Variants in B4GALNT3 observed in about 807,000 individuals in gnomAD.
B4GALNT3 encodes beta-1,4-N-acetyl-galactosaminyltransferase 3.
In B4GALNT3, 86 loss-of-function variants were observed where a neutral mutation model predicts 120.2. The observed-to-expected ratio is 0.72, with a 90% CI of 0.60 to 0.86. The LOEUF is 0.86. B4GALNT3 is among the 40% of genes least tolerant of loss of function. B4GALNT3 has a pLI of 0.00. For synonymous variants in B4GALNT3, 518 were observed against 510.4 expected (o/e 1.01, Z -0.20); for missense variants, 1,167 against 1,298.9 (o/e 0.90, Z 1.56).
At chr12:496,414 A>G (rs765964734) in intron 1 of B4GALNT3, among the ~76,000 whole-genome samples, 43 of 152,170 alleles carry the variant, frequency 2.8e-4, no homozygotes, top group Non-Finnish European at 5.9e-4. Context: ...AGCCTGGCCA[A>G]CATGGTGAAA....
chr12:508,206 G>A (rs1946516242), intron 1 of B4GALNT3, among the ~76,000 whole-genome samples: 1 of 152,246 alleles, frequency 6.6e-6, no homozygotes, highest in Admixed American at 6.5e-5. Context: ...TTAATGAAGA[G>A]AAAGCTTCCA....
At chr12:481,864 T>C (rs1946246291) in intron 1 of B4GALNT3, among the ~76,000 whole-genome samples, 1 of 152,066 alleles carries the variant, frequency 6.6e-6, no homozygotes, top group African/African-American at 2.4e-5. Flanking sequence ...TTCCTCCCTC[T>C]TGCATCAAGA....
At chr12:541,926 T>C (rs1946922993) in intron 3 of B4GALNT3, among the ~76,000 whole-genome samples, 1 of 145,442 alleles carries the variant, frequency 6.9e-6, no homozygotes, top group African/African-American at 2.5e-5. Context: ...CCTCCCCCAC[T>C]GCCCTCCCTC....
intron 1 of B4GALNT3, among the ~76,000 whole-genome samples, chr12:520,973 G>A (rs1251160421): frequency 6.6e-6 from 1 of 152,144 alleles, no homozygotes; most frequent in Non-Finnish European, 1.5e-5. Flanking sequence ...AGTTTCTTAA[G>A]TATTGTAAAA....
At chr12:482,915 CTT>C (rs1367799080) in intron 1 of B4GALNT3, among the ~76,000 whole-genome samples, 1 of 152,076 alleles carries the variant, frequency 6.6e-6, no homozygotes, top group Non-Finnish European at 1.5e-5. Flanking sequence ...TCTTTTCTCT[CTT>C]TTTTTCTGGA....
At chr12:480,118 C>T (rs533564211) in intron 1 of B4GALNT3, among the ~76,000 whole-genome samples, 15 of 151,772 alleles carry the variant, frequency 9.9e-5, no homozygotes, top group African/African-American at 2.7e-4. Context: ...GGTTTCACTG[C>T]GTTAGCCAGG....
chr12:531,479 T>C (rs988343890), intron 1 of B4GALNT3, among the ~76,000 whole-genome samples: 2 of 151,910 alleles, frequency 1.3e-5, no homozygotes, highest in African/African-American at 4.8e-5. Flanking sequence ...AAAGACCCCA[T>C]CTCTAAAATT....
chr12:558,233 G>C (rs1947182757), intron 17 of B4GALNT3, 145 bp downstream of exon 17: 1 of 936,598 alleles, frequency 1.1e-6, no homozygotes, highest in Non-Finnish European at 1.6e-6. Context: ...CTGCAGGCCA[G>C]TGCTAGGGTG....
intron 1 of B4GALNT3, among the ~76,000 whole-genome samples, chr12:481,404 G>A (rs1453805944): frequency 6.6e-6 from 1 of 152,218 alleles, no homozygotes; most frequent in African/African-American, 2.4e-5. Context: ...CACCATGGGT[G>A]CAGACATGGA....
chr12:552,598 T>A (rs1947098331), intron 13 of B4GALNT3, 70 bp downstream of exon 13: 2 of 1,491,212 alleles, frequency 1.3e-6, no homozygotes, highest in South Asian at 2.4e-5. Flanking sequence ...CCAGGGGATG[T>A]TCAGACCGTG....
At chr12:490,095 G>A (rs867156498) in intron 1 of B4GALNT3, among the ~76,000 whole-genome samples, 1 of 152,214 alleles carries the variant, frequency 6.6e-6, no homozygotes, top group African/African-American at 2.4e-5. Context: ...GTGGGATGCA[G>A]TGATAGCAGT....
chr12:500,147 G>A (rs1429149430), intron 1 of B4GALNT3, among the ~76,000 whole-genome samples: 2 of 150,334 alleles, frequency 1.3e-5, no homozygotes, highest in African/African-American at 4.9e-5. Flanking sequence ...TTTTTTTTAC[G>A]TTTAATTTTT....
In B4GALNT3 at chr12:538,152, G is replaced by A. The variant is rs560330174; in HGVS notation, c.351+1857G>A. ...ACCAATTATTTTGAAAGCTTATAGCGCCATAACATTCTACATTTATTAATA... is the reference window on the plus strand; with the variant it reads ...ACCAATTATTTTGAAAGCTTATAGCACCATAACATTCTACATTTATTAATA... On this transcript the variant is annotated intron_variant, in intron 3 of 19. Transcript: ENST00000266383. Among the ~76,000 whole-genome samples the A allele has an allele frequency of 5.3e-5, 8 of 152,240 alleles. No individual in the cohort carries two copies. The South Asian group carries it at 8.3e-4, about 16-fold the overall frequency.
At chr12:489,353 C>G (rs1377403917) in intron 1 of B4GALNT3, among the ~76,000 whole-genome samples, 1 of 142,138 alleles carries the variant, frequency 7.0e-6, no homozygotes, top group South Asian at 2.2e-4. Context: ...CCACAAAATA[C>G]AGAAAAAGAA....
rs1273016162 is a variant in B4GALNT3, at chr12:552,869, C to T, written c.1271-325C>T. 5 of 495,048 alleles carry T rather than the reference C, an allele frequency of 1.0e-5. No homozygotes were observed. The Admixed American group carries it at 1.8e-4, about 18-fold the overall frequency. The allele number at this position is 495,048 out of a possible 1,614,324, so 30.7% of individuals were successfully genotyped here. The stretch of plus-strand genomic sequence containing the variant: ...AGAAGCACTGTCTTCTGGGGCCTTT[C>T]TTGGGGGATTAGGGCGTGGCTGGGA... On this transcript the variant is annotated intron_variant, in intron 13 of 19. Transcript: ENST00000266383.
At chr12:546,494 G>T in intron 6 of B4GALNT3, 152 bp from the exon 7 acceptor site, 1 of 745,134 alleles carries the variant, frequency 1.3e-6, no homozygotes, top group Non-Finnish European at 2.2e-6. Flanking sequence ...ACTCCCTTCT[G>T]TTTTCTCTCC....
chr12:467,170 T>C (rs907954698), intron 1 of B4GALNT3, among the ~76,000 whole-genome samples: 5 of 152,190 alleles, frequency 3.3e-5, no homozygotes, highest in Admixed American at 1.3e-4. Flanking sequence ...TGCAGTGGTG[T>C]GATCTTAGCT....
intron 14 of B4GALNT3, among the ~76,000 whole-genome samples, 153 bp from the exon 15 acceptor site, chr12:556,394 C>T (rs914722163): frequency 2.6e-5 from 4 of 152,150 alleles, no homozygotes; most frequent in African/African-American, 4.8e-5. Flanking sequence ...AGAGAGATTG[C>T]GAATCTTGCC....
At position 460,297 on chromosome 12, in the gene B4GALNT3, C is replaced by T; in HGVS notation, c.-80C>T. 1.1e-6 allele frequency: 1 copy of T among 951,988 alleles called. No individual in the cohort carries two copies. The highest frequency in any genetic ancestry group is 1.2e-6 in the Non-Finnish European group (1 of 801,544). The allele number at this position is 951,988 out of a possible 1,614,324, so 59.0% of individuals were successfully genotyped here. ...ACGCTGGGCCGGGACGCGGGGCGCC[C>T]TGGGCGCGGGGCCCGGCCGGGGGGC... On this transcript the variant is annotated 5_prime_UTR_variant, in exon 1 of 20. Transcript: ENST00000266383. This position sits in a 1 kb window ranked among gnomAD's most constrained non-coding sequence, Gnocchi z 8.0.
Sources: gnomAD v4.1 joint callset for allele counts (sites outside exome capture counted in the v4.1 genomes callset) on GRCh38, gnomAD v4.1.1 for gene constraint, Gnocchi (gnomAD v3.1) non-coding constraint, MANE v1.5 for transcripts, NCBI Gene and HGNC (gene_info 2026-07-23, HGNC 2026-07-21) for gene names.